The following PKLR variants were observed in gnomAD, a reference collection of about 807,000 sequenced individuals.
The protein encoded by PKLR is pyruvate kinase L/R, also known as pyruvate kinase PKLR.
In PKLR, 38 loss-of-function variants were observed where a neutral mutation model predicts 53.6. That is an observed-to-expected ratio of 0.71 (90% CI 0.55 to 0.93). The LOEUF is 0.93. Among genes scored for constraint, PKLR ranks in the 40% least tolerant of loss-of-function variants. PKLR has a pLI of 0.00. For missense variants in PKLR, 702 were observed against 787.3 expected, an observed-to-expected ratio of 0.89 and a Z score of 1.30; for synonymous variants, 328 against 316.2, an observed-to-expected ratio of 1.04 and a Z score of -0.39.
chr1:155,295,636 C>G lies in PKLR; in HGVS notation c.375+29G>C, dbSNP rs200472280. On this transcript the variant is annotated intron_variant, in intron 3 of 10. Transcript: ENST00000342741. The surrounding 1 kb of genome is among the most constrained non-coding windows in gnomAD (Gnocchi z 4.3). ...AGGACCTCGAGGCATCCTCCTGCCC[C>G]ACCCACTGCCCGGCGGCCCGTCCCG... The G allele has an allele frequency of 5.6e-6, 9 of 1,614,008 alleles. No homozygotes were observed. In the East Asian group the frequency reaches 1.1e-4, roughly 20 times the overall value.
In PKLR at chr1:155,292,241, G is replaced by GAAAAAAAA. The variant is rs57484820; in HGVS notation, c.1437-312_1437-305dup. 1.8e-3 allele frequency among the ~76,000 whole-genome samples: 252 copies of GAAAAAAAA among 138,076 alleles called. 2 individuals are homozygous for GAAAAAAAA. Among genetic ancestry groups the GAAAAAAAA allele is most frequent in the Middle Eastern group, 0.014 (4 of 276 alleles). The allele number at this position is 138,076 out of a possible 152,430, so 90.6% of individuals were successfully genotyped here. Reference sequence around the variant, plus strand: ...TAGTGAGACCCCATCTCTGCATTAAGAAAAAAAAAAGAAAGAATGCCTGCC... The same window carrying GAAAAAAAA: ...TAGTGAGACCCCATCTCTGCATTAAGAAAAAAAAAAAAAAAAAAGAAAGAATGCCTGCC... On this transcript the variant is annotated intron_variant, in intron 9 of 10. Coordinates refer to ENST00000342741, the MANE Select transcript of PKLR (RefSeq NM_000298.6).
At chr1:155,304,742 C>T (rs1648186355), upstream of PKLR, among the ~76,000 whole-genome samples, 2 of 152,328 alleles carry the variant, frequency 1.3e-5, no homozygotes, top group South Asian at 4.1e-4. Flanking sequence ...TCTGTTTTGA[C>T]AGGCTAAATT....
chr1:155,306,845 G>A, the PKLR span, among the ~76,000 whole-genome samples: 2 of 152,162 alleles, frequency 1.3e-5, no homozygotes, highest in Non-Finnish European at 2.9e-5. This position sits in a 1 kb window ranked among gnomAD's most constrained non-coding sequence, Gnocchi z 4.2. Context: ...TGTGTTCGGA[G>A]TTTTTTCCTT....
At chr1:155,308,501 T>TA in the PKLR span, 1 of 950,278 alleles carries the variant, frequency 1.1e-6, no homozygotes. Flanking sequence ...ATGATTTGCC[T>TA]AAAGTTAGAG....
chr1:155,289,461 CA>C lies in PKLR; in HGVS notation c.*1110del, dbSNP rs1674439350. ...AGCCTCTGTGGTCCTTGCCCAAACC[CA>C]TCAGCGCAATACTTGAACCTTCTCC... On this transcript the variant is annotated 3_prime_UTR_variant, in exon 11 of 11. Transcript: ENST00000342741. The C allele has an allele frequency of 6.6e-6, 1 of 152,260 alleles. No individual in the cohort carries two copies. Among genetic ancestry groups the C allele is most frequent in the South Asian group, 2.1e-4 (1 of 4,840 alleles). The allele number at this position is 152,260 out of a possible 1,614,324, so 9.4% of individuals were successfully genotyped here. A position where few individuals can be genotyped will look rare whatever the true frequency, so the allele number is the denominator to read the frequency against.
chr1:155,297,253 C>T (rs1647650975), intron 2 of PKLR, among the ~76,000 whole-genome samples: 1 of 152,114 alleles, frequency 6.6e-6, no homozygotes, highest in South Asian at 2.1e-4. Context: ...CTGACTGCCC[C>T]CTCTATCACA....
In PKLR at chr1:155,293,405, C is replaced by T. The variant is rs371105707; in HGVS notation, c.1269+33G>A. ...TGGGGTATGGAAGGGATTTGGTTCC[C>T]TGGCCCATTTGCTTTTCATTCTGAG... On this transcript the variant is annotated intron_variant, in intron 8 of 10. Coordinates refer to ENST00000342741, the MANE Select transcript of PKLR (RefSeq NM_000298.6). The surrounding 1 kb of genome is among the most constrained non-coding windows in gnomAD (Gnocchi z 4.2). The T allele has an allele frequency of 2.5e-6, 4 of 1,614,224 alleles. No individual in the cohort carries two copies. Among genetic ancestry groups the T allele is most frequent in the Non-Finnish European group, 3.4e-6 (4 of 1,180,036 alleles).
intron 2 of PKLR, among the ~76,000 whole-genome samples, chr1:155,298,967 TTTC>T (rs1647772956): frequency 1.5e-5 from 1 of 68,818 alleles, no homozygotes; most frequent in Non-Finnish European, 2.6e-5. Context: ...TCTTTCTTTC[TTTC>T]TTTCTTTCTT....
chr1:155,294,333 G>A lies in PKLR; in HGVS notation c.1018C>T (p.Leu340=), dbSNP rs1647416687. 6.2e-7 allele frequency: 1 copy of A among 1,614,070 alleles called. No homozygotes were observed. The highest frequency in any genetic ancestry group is 1.3e-5 in the African/African-American group (1 of 75,018). ...SDGIMVARGD[L]GIEIPAEKVF... ...TTCTCTGCTGGGATCTCGATGCCTA[G>A]GTCCCCCCGTGCCACCATGATGCCG... Residue 340 remains leucine, a synonymous_variant, in exon 7 of 11, where the codon CTA becomes TTA. Transcript: ENST00000342741.
intron 7 of PKLR, 74 bp downstream of exon 7, chr1:155,294,161 C>G: frequency 6.7e-7 from 1 of 1,496,332 alleles, no homozygotes. Flanking sequence ...AAATAAACCC[C>G]TACAGTGTGG....
At chr1:155,301,822 T>C (rs1415001373), upstream of PKLR, among the ~76,000 whole-genome samples, 1 of 152,096 alleles carries the variant, frequency 6.6e-6, no homozygotes, top group Admixed American at 6.5e-5. Context: ...TTTTTCTCTG[T>C]CTCAACCAAG....
rs150077703 is a variant in PKLR at position 155,301,304 on chromosome 1, G to T, written c.92C>A (p.Ala31Asp). 1 of 1,613,860 alleles carries T rather than the reference G, an allele frequency of 6.2e-7. No individual in the cohort carries two copies. The highest frequency in any genetic ancestry group is 1.7e-5 in the Admixed American group (1 of 59,988). ...CTGTCTCCCCTTCTTACCTCCTGGA[G>T]CCCCAATCAGGATGGACTTTGCTAA... ...RDLAKSILIG[A>D]PGGPAGYLRR... The change falls in exon 1 of 11, where the codon GCT becomes GAT. Residue 31 changes from alanine (A) to aspartate (D), a missense_variant. Ala to Asp is a moderately radical substitution (Grantham distance 126). Around this residue, in one of 2 missense-constraint regions of PKLR, gnomAD observed 519 missense variants for 537.1 expected, o/e 0.97. Transcript: ENST00000342741.
At chr1:155,305,673 A>AGGCT (rs765974483), upstream of PKLR, among the ~76,000 whole-genome samples, 17 of 152,152 alleles carry the variant, frequency 1.1e-4, no homozygotes, top group Non-Finnish European at 2.1e-4. Context: ...TCTGTAGCCC[A>AGGCT]GGCTGGAATG....
At chr1:155,305,426 G>C (rs898859782), upstream of PKLR, among the ~76,000 whole-genome samples, 3 of 152,160 alleles carry the variant, frequency 2.0e-5, no homozygotes, top group Non-Finnish European at 4.4e-5. Flanking sequence ...CTCTGACTCT[G>C]GAGTTGGAAA....
chr1:155,306,762 C>T, the PKLR span, among the ~76,000 whole-genome samples: 2 of 152,158 alleles, frequency 1.3e-5, no homozygotes, highest in African/African-American at 2.4e-5. This position sits in a 1 kb window ranked among gnomAD's most constrained non-coding sequence, Gnocchi z 4.2. Context: ...AGAATGAAGC[C>T]GCGGACCCTC....
upstream of PKLR, among the ~76,000 whole-genome samples, chr1:155,303,672 CT>C (rs1648146387): frequency 6.6e-6 from 1 of 152,146 alleles, no homozygotes; most frequent in Non-Finnish European, 1.5e-5. Flanking sequence ...GTCACCTAGG[CT>C]GGAGTGCAGT....
chr1:155,299,037 T>TTCC (rs1647818419), intron 2 of PKLR, among the ~76,000 whole-genome samples: 3 of 78,492 alleles, frequency 3.8e-5, no homozygotes, highest in African/African-American at 1.5e-4. Flanking sequence ...TTTCTTTCTC[T>TTCC]TTCTTTCTTT....
chr1:155,306,470 T>C, the PKLR span, among the ~76,000 whole-genome samples: 5 of 152,100 alleles, frequency 3.3e-5, no homozygotes, highest in Non-Finnish European at 5.9e-5. This position sits in a 1 kb window ranked among gnomAD's most constrained non-coding sequence, Gnocchi z 4.2. Flanking sequence ...TCAGGTTTAA[T>C]AAAGGAAGTC....
intron 2 of PKLR, among the ~76,000 whole-genome samples, chr1:155,297,911 C>T (rs886597064): frequency 5.3e-5 from 8 of 152,172 alleles, no homozygotes; most frequent in African/African-American, 1.4e-4. Flanking sequence ...CAAGTCTTCC[C>T]TTTGGTCTCA....
Sources: allele counts gnomAD v4.1 joint callset (sites outside exome capture counted in the v4.1 genomes callset), GRCh38; gene constraint gnomAD v4.1.1; regional missense constraint gnomAD v4.1.1; non-coding constraint Gnocchi (gnomAD v3.1); transcripts MANE v1.5; gene names NCBI Gene and HGNC (gene_info 2026-07-23, HGNC 2026-07-21).